RERE: variants seen among roughly 807,000 people sequenced by gnomAD.
The protein encoded by RERE is arginine-glutamic acid dipeptide repeats, also known as arginine-glutamic acid dipeptide repeats protein.
RERE carries 40 observed loss-of-function variants against 146.1 expected under a neutral mutation model. The observed-to-expected ratio is 0.27, with a 90% confidence interval of 0.21 to 0.36. The LOEUF (loss-of-function observed/expected upper bound fraction) is 0.36. Ranked by LOEUF, RERE falls within the 10% of genes least tolerant of loss-of-function variation. RERE has a pLI of 1.00. For synonymous variants in RERE, 1,003 were observed against 866.0 expected (o/e 1.16, Z -2.78); for missense variants, 1,933 against 2,138.7 (o/e 0.90, Z 1.90).
At chr1:8,527,991 T>C (rs978556930) in intron 7 of RERE, among the ~76,000 whole-genome samples, 1 of 152,222 alleles carries the variant, frequency 6.6e-6, no homozygotes, top group African/African-American at 2.4e-5. Flanking sequence ...ACCTCTCTTA[T>C]TAGATTCTAA....
At chr1:8,572,990 A>T (rs951206199) in intron 4 of RERE, among the ~76,000 whole-genome samples, 3 of 152,220 alleles carry the variant, frequency 2.0e-5, no homozygotes, top group Non-Finnish European at 4.4e-5. Context: ...AGGTTTAAAT[A>T]ACCCTAATGA....
At chr1:8,523,503 C>T (rs1235892544) in intron 7 of RERE, among the ~76,000 whole-genome samples, 1 of 152,172 alleles carries the variant, frequency 6.6e-6, no homozygotes, top group African/African-American at 2.4e-5. Flanking sequence ...CATGTTCAAG[C>T]TACACAGACC....
chr1:8,508,799 C>G, intron 7 of RERE, 124 bp from the exon 8 acceptor site: 2 of 728,706 alleles, frequency 2.7e-6, no homozygotes. Flanking sequence ...AATTAACGTC[C>G]CCACTACTTC....
At chr1:8,413,391 G>A (rs1643667442) in intron 12 of RERE, among the ~76,000 whole-genome samples, 1 of 152,158 alleles carries the variant, frequency 6.6e-6, no homozygotes, top group South Asian at 2.1e-4. Flanking sequence ...TGCCCAGGCT[G>A]GAGCATAGCA....
At chr1:8,520,443 G>A (rs12075106) in intron 7 of RERE, among the ~76,000 whole-genome samples, 1 of 152,132 alleles carries the variant, frequency 6.6e-6, no homozygotes, top group South Asian at 2.1e-4. Flanking sequence ...GTAAGATGCA[G>A]TAAATATGGC....
chr1:8,783,333 T>A (rs1474759969), intron 1 of RERE, among the ~76,000 whole-genome samples: 1 of 152,176 alleles, frequency 6.6e-6, no homozygotes, highest in East Asian at 1.9e-4. Context: ...AGATTCTGAC[T>A]AAAAAAATTT....
chr1:8,660,337 G>A (rs1217666583), intron 1 of RERE, among the ~76,000 whole-genome samples: 1 of 152,216 alleles, frequency 6.6e-6, no homozygotes, highest in African/African-American at 2.4e-5. Context: ...AGATGGCACT[G>A]AGAAGGAGAG....
rs1641186309 is a variant in RERE, at chr1:8,353,787, G to A, written c.*1300C>T. On this transcript the variant is annotated 3_prime_UTR_variant, in exon 23 of 23. Coordinates refer to ENST00000400908, the MANE Select transcript of RERE (RefSeq NM_001042681.2). Reference sequence around the variant, plus strand: ...AAATGGTTTACCAGTGCAATGTGGGGTCACCATGCAGACCTGCCCCTAGGG... The same window carrying A: ...AAATGGTTTACCAGTGCAATGTGGGATCACCATGCAGACCTGCCCCTAGGG... The A allele has an allele frequency of 6.6e-6, 1 of 152,334 alleles. No individual in the cohort carries two copies. The highest frequency in any genetic ancestry group is 2.4e-5 in the African/African-American group (1 of 41,418). 9.4% of individuals were successfully genotyped at this position (152,334 alleles called of 1,614,324 possible).
intron 1 of RERE, among the ~76,000 whole-genome samples, chr1:8,674,852 C>A (rs1638798976): frequency 6.6e-6 from 1 of 152,150 alleles, no homozygotes; most frequent in South Asian, 2.1e-4. Context: ...CTGAAGAACT[C>A]TAGTCTCTAG....
intron 2 of RERE, among the ~76,000 whole-genome samples, chr1:8,646,190 G>A (rs1647299082): frequency 1.3e-5 from 2 of 151,948 alleles, no homozygotes; most frequent in African/African-American, 4.8e-5. Flanking sequence ...CCCAAAATTC[G>A]TATGTTGAAG....
intron 7 of RERE, among the ~76,000 whole-genome samples, chr1:8,526,504 C>A (rs2297867): frequency 0.81 from 123,907 of 152,102 alleles, 50,702 homozygotes; most frequent in East Asian, 0.94. Flanking sequence ...CCAAACAATC[C>A]GGGTAAAGTT....
At chr1:8,410,738 T>C (rs556533709) in intron 12 of RERE, among the ~76,000 whole-genome samples, 24 of 152,214 alleles carry the variant, frequency 1.6e-4, no homozygotes, top group Non-Finnish European at 3.4e-4. Context: ...AGTGTCCATC[T>C]TCCAGGATGC....
chr1:8,760,260 C>A (rs1569733881), intron 1 of RERE, among the ~76,000 whole-genome samples: 1 of 152,224 alleles, frequency 6.6e-6, no homozygotes, highest in Non-Finnish European at 1.5e-5. Flanking sequence ...CTCCTGACCT[C>A]AGGTGATCCG....
At chr1:8,359,000 C>G in intron 19 of RERE, 84 bp from the exon 20 acceptor site, 1 of 1,457,248 alleles carries the variant, frequency 6.9e-7, no homozygotes, top group Non-Finnish European at 9.0e-7. Flanking sequence ...GGGCCTGGTC[C>G]TGCTCCTGGC....
chr1:8,642,276 C>A (rs2124287017), intron 2 of RERE, among the ~76,000 whole-genome samples: 1 of 152,244 alleles, frequency 6.6e-6, no homozygotes, highest in South Asian at 2.1e-4. Flanking sequence ...GTACTCTTAT[C>A]CCCATTTTAT....
At chr1:8,742,461 T>A (rs1640328300) in intron 1 of RERE, among the ~76,000 whole-genome samples, 1 of 152,106 alleles carries the variant, frequency 6.6e-6, no homozygotes, top group African/African-American at 2.4e-5. Context: ...AGCAATCTCA[T>A]CCACTCAATG....
chr1:8,756,444 C>G (rs1263923281), intron 1 of RERE, among the ~76,000 whole-genome samples: 1 of 152,062 alleles, frequency 6.6e-6, no homozygotes, highest in Non-Finnish European at 1.5e-5. Flanking sequence ...CAAAAAGGAC[C>G]TAAAAGCCTC....
chr1:8,646,043 TGAG>T (rs1307754529), intron 2 of RERE, among the ~76,000 whole-genome samples: 6 of 151,560 alleles, frequency 4.0e-5, no homozygotes, highest in South Asian at 2.1e-4. Flanking sequence ...CTAAGAGAAC[TGAG>T]GAGATGTCAC....
intron 1 of RERE, among the ~76,000 whole-genome samples, chr1:8,700,287 AGAGT>A (rs1431792299): frequency 6.6e-6 from 1 of 152,166 alleles, no homozygotes; most frequent in African/African-American, 2.4e-5. Context: ...CCTGGGTGAC[AGAGT>A]GAGACTCCAA....
Sources: gnomAD v4.1 joint callset for allele counts (sites outside exome capture counted in the v4.1 genomes callset) on GRCh38, gnomAD v4.1.1 for gene constraint, MANE v1.5 for transcripts, NCBI Gene and HGNC (gene_info 2026-07-23, HGNC 2026-07-21) for gene names.